The following PNO1 variants were observed in gnomAD, a reference collection of about 807,000 sequenced individuals.
The protein encoded by PNO1 is partner of NOB1 homolog.
Under a neutral mutation model 28.4 loss-of-function variants are expected in PNO1, and 16 were observed. The ratio of observed to expected loss-of-function variants is 0.56; its 90% CI spans 0.38 to 0.85. The LOEUF is 0.85. Ranked by LOEUF, PNO1 falls within the 40% of genes least tolerant of loss-of-function variation. PNO1 has a pLI of 0.00. For missense variants in PNO1, 304 were observed against 312.2 expected (o/e 0.97, Z 0.20); for synonymous variants, 115 against 110.8 (o/e 1.04, Z -0.24).
At chr2:68,170,747 C>CAAAAA (rs767088135) in intron 5 of PNO1, among the ~76,000 whole-genome samples, 2 of 61,066 alleles carry the variant, frequency 3.3e-5, no homozygotes, top group South Asian at 7.4e-4. Context: ...GACTCCGTCT[C>CAAAAA]AAAAAAAAAA....
At chr2:68,159,732 A>G (rs1183894606) in intron 2 of PNO1, among the ~76,000 whole-genome samples, 1 of 152,164 alleles carries the variant, frequency 6.6e-6, no homozygotes, top group African/African-American at 2.4e-5. Context: ...AATAGTTGAT[A>G]AAGTGTAAAA....
intron 5 of PNO1, among the ~76,000 whole-genome samples, chr2:68,169,515 A>C (rs536008013): frequency 6.6e-6 from 1 of 152,330 alleles, no homozygotes; most frequent in Admixed American, 6.5e-5. Context: ...TGAGCTCACC[A>C]CAAGAGCAAT....
chr2:68,174,288 G>GTTTTTTTTTTTTTTTTTT (rs34323809), intron 6 of PNO1, among the ~76,000 whole-genome samples: 1 of 106,800 alleles, frequency 9.4e-6, no homozygotes, highest in African/African-American at 3.8e-5. Context: ...TTCTGTTAAG[G>GTTTTTTTTTTTTTTTTTT]TTTTTTTTTT....
At chr2:68,172,242 G>C (rs1315717996) in intron 5 of PNO1, among the ~76,000 whole-genome samples, 1 of 152,154 alleles carries the variant, frequency 6.6e-6, no homozygotes, top group African/African-American at 2.4e-5. Context: ...CAGGCAGGGT[G>C]GTGGGTGATG....
rs1239528367 is a variant in PNO1 at position 68,161,664 on chromosome 2, C to CTTT, written c.358-15_358-13dup. ...TTGATTCTCAACGGTATTTTGTACC[C>CTTT]TTTTTTGTTTTTTAACAGACTTGTA... On this transcript the variant is annotated intron_variant, in intron 2 of 6. Transcript: ENST00000263657. 6.7e-7 allele frequency: 1 copy of CTTT among 1,489,088 alleles called. No individual in the cohort carries two copies. The highest frequency in any genetic ancestry group is 1.1e-5 in the South Asian group (1 of 87,156). The allele number at this position is 1,489,088 out of a possible 1,614,324, so 92.2% of individuals were successfully genotyped here. A position where few individuals can be genotyped will look rare whatever the true frequency, so the allele number is the denominator to read the frequency against.
At chr2:68,158,178 G>C in intron 1 of PNO1, 37 bp downstream of exon 1, 2 of 1,537,276 alleles carry the variant, frequency 1.3e-6, no homozygotes, top group Non-Finnish European at 1.8e-6. Context: ...AACGAGGCAA[G>C]GGCCAGACGC....
At chr2:68,167,488 G>A (rs1463259910) in intron 5 of PNO1, among the ~76,000 whole-genome samples, 1 of 152,152 alleles carries the variant, frequency 6.6e-6, no homozygotes, top group Non-Finnish European at 1.5e-5. Flanking sequence ...CAAGGATCGG[G>A]GTTAGCAGCT....
chr2:68,163,540 A>AATACATAC (rs543846420), intron 5 of PNO1, among the ~76,000 whole-genome samples: 3,199 of 136,140 alleles, frequency 0.023, 94 homozygotes, highest in African/African-American at 0.071. Flanking sequence ...CAAATAAATA[A>AATACATAC]ATACATACAT....
At chr2:68,161,798 C>T (rs1359485798) in intron 3 of PNO1, 32 bp downstream of exon 3, 1 of 1,348,956 alleles carries the variant, frequency 7.4e-7, no homozygotes, top group South Asian at 1.2e-5. Flanking sequence ...AAAATGGGGA[C>T]TTTAAAAATA....
intron 2 of PNO1, among the ~76,000 whole-genome samples, chr2:68,160,117 C>T (rs1673792107): frequency 6.6e-6 from 1 of 151,776 alleles, no homozygotes; most frequent in Admixed American, 6.6e-5. Context: ...TACAGGCACC[C>T]ACCACCACGC....
Position 68,157,938 on chromosome 2 carries a change from G to A in PNO1, c.4G>A (p.Glu2Lys). 6.2e-7 allele frequency: 1 copy of A among 1,613,862 alleles called. No homozygotes were observed. The highest frequency in any genetic ancestry group is 8.5e-7 in the Non-Finnish European group (1 of 1,179,922). M[E>K]SEMETQSARA... The stretch of plus-strand genomic sequence containing the variant: ...CAGCGCTTTAAGATTTCCGGGGATG[G>A]AATCCGAAATGGAAACGCAGAGCGC... Residue 2 changes from glutamate to lysine, a missense_variant, in exon 1 of 7, where the codon GAA becomes AAA. Glu to Lys is a moderately conservative substitution (Grantham distance 56). Transcript: ENST00000263657.
At position 68,162,646 on chromosome 2, in the gene PNO1, G is replaced by A; in HGVS notation, c.603G>A (p.Arg201=). 1.2e-6 allele frequency: 2 copies of A among 1,608,138 alleles called. No homozygotes were observed. The highest frequency in any genetic ancestry group is 1.7e-6 in the Non-Finnish European group (2 of 1,174,590). ...KFTIENVTRT[R]IVLADVKVHI... ...CCATAGAGAATGTGACACGGACAAG[G>A]ATAGTTTTGGCTGATGTGTAAGTAT... The change falls in exon 5 of 7, where the codon AGG becomes AGA. Residue 201 remains arginine, a synonymous_variant. Transcript: ENST00000263657.
chr2:68,168,921 C>CTT (rs57701897), intron 5 of PNO1, among the ~76,000 whole-genome samples: 331 of 72,480 alleles, frequency 4.6e-3, no homozygotes, highest in Middle Eastern at 0.013. Flanking sequence ...CAGCTTTTTT[C>CTT]TTTTTTTTTT....
At chr2:68,162,690 T>C (rs1673867801) in intron 5 of PNO1, 27 bp downstream of exon 5, 2 of 1,276,224 alleles carry the variant, frequency 1.6e-6, no homozygotes, top group Admixed American at 1.7e-5. Context: ...GAGAAAATTA[T>C]TGTCATAATT....
chr2:68,167,290 A>C (rs372561554), intron 5 of PNO1, among the ~76,000 whole-genome samples: 3 of 152,140 alleles, frequency 2.0e-5, no homozygotes, highest in African/African-American at 7.2e-5. Context: ...TATTGAACTC[A>C]TGGGGTTCTT....
At position 68,175,711 on chromosome 2, in the gene PNO1, G is replaced by A. The variant is rs1416967578; in HGVS notation, c.*909G>A. On this transcript the variant is annotated 3_prime_UTR_variant, in exon 7 of 7. Coordinates refer to ENST00000263657, the MANE Select transcript of PNO1 (RefSeq NM_020143.4). ...ACCTACATCACAGGGTTAATGTGAA[G>A]AAAGCTTTATTTTTCAAATGAGTAT... 1 of 152,148 alleles carries A rather than the reference G, an allele frequency of 6.6e-6. No individual in the cohort carries two copies. The highest frequency in any genetic ancestry group is 1.5e-5 in the Non-Finnish European group (1 of 68,028). 9.4% of individuals were successfully genotyped at this position (152,148 alleles called of 1,614,324 possible). A position where few individuals can be genotyped will look rare whatever the true frequency, so the allele number is the denominator to read the frequency against.
intron 2 of PNO1, among the ~76,000 whole-genome samples, chr2:68,159,642 C>A (rs910006534): frequency 6.6e-6 from 1 of 152,144 alleles, no homozygotes; most frequent in Admixed American, 6.5e-5. Context: ...TTTAAGGATT[C>A]TTTTACCATC....
Position 68,157,909 on chromosome 2 carries a change from C to T in PNO1, c.-26C>T. ...TGGTGCAGCTGCGCACGTGTTTCAG[C>T]CGGCAGCGCTTTAAGATTTCCGGGG... On this transcript the variant is annotated 5_prime_UTR_variant, in exon 1 of 7. Transcript: ENST00000263657. The T allele has an allele frequency of 6.2e-7, 1 of 1,604,070 alleles. No homozygotes were observed. Among genetic ancestry groups the T allele is most frequent in the South Asian group, 1.1e-5 (1 of 90,864 alleles).
intron 2 of PNO1, among the ~76,000 whole-genome samples, chr2:68,161,011 G>A (rs529077603): frequency 6.6e-6 from 1 of 152,312 alleles, no homozygotes; most frequent in South Asian, 2.1e-4. Context: ...TAGTACTTTA[G>A]TTTCCTCACA....
Sources: gnomAD v4.1 joint callset for allele counts (sites outside exome capture counted in the v4.1 genomes callset) on GRCh38, gnomAD v4.1.1 for gene constraint, MANE v1.5 for transcripts, NCBI Gene and HGNC (gene_info 2026-07-23, HGNC 2026-07-21) for gene names.